ICA1: variants seen among roughly 807,000 people sequenced by gnomAD.
ICA1 encodes the protein islet cell autoantigen 1, also known as 69 kDa islet cell autoantigen.
A neutral mutation model predicts 71.0 loss-of-function variants in ICA1; 40 were observed. The ratio of observed to expected loss-of-function variants is 0.56; its 90% CI spans 0.44 to 0.73. The LOEUF (loss-of-function observed/expected upper bound fraction) is 0.73, where lower values mean the gene tolerates loss of function less well. ICA1 is among the 30% of genes least tolerant of loss of function. The pLI is 0.00. For synonymous variants in ICA1, 207 were observed against 209.5 expected (o/e 0.99, Z 0.10); for missense variants, 578 against 576.5 (o/e 1.00, Z -0.03).
intron 6 of ICA1, among the ~76,000 whole-genome samples, chr7:8,182,727 A>T (rs1346422736): frequency 6.6e-6 from 1 of 152,222 alleles, no homozygotes; most frequent in Non-Finnish European, 1.5e-5. Context: ...ATTTTTAAAA[A>T]CATTTTGTCT....
intron 6 of ICA1, among the ~76,000 whole-genome samples, chr7:8,171,387 G>C (rs1162845480): frequency 6.6e-6 from 1 of 151,780 alleles, no homozygotes; most frequent in African/African-American, 2.4e-5. Flanking sequence ...TCTTTAAAGG[G>C]ATTTGTCCAT....
At chr7:8,146,507 C>T (rs1235539001) in intron 8 of ICA1, among the ~76,000 whole-genome samples, 1 of 152,030 alleles carries the variant, frequency 6.6e-6, no homozygotes, top group Non-Finnish European at 1.5e-5. Flanking sequence ...AACATTTTGC[C>T]CCATTTTGTT....
chr7:8,245,569 A>T (rs1407948871), intron 1 of ICA1, among the ~76,000 whole-genome samples: 2 of 152,156 alleles, frequency 1.3e-5, no homozygotes, highest in Admixed American at 6.5e-5. Context: ...AATAATAATT[A>T]AAAAAGAATT....
intron 6 of ICA1, among the ~76,000 whole-genome samples, chr7:8,214,080 C>CA (rs1242362114): frequency 6.6e-6 from 1 of 152,196 alleles, no homozygotes; most frequent in East Asian, 1.9e-4. Context: ...TATGAGGACT[C>CA]AGACTCCTAT....
At chr7:8,238,987 C>G (rs73236329) in intron 1 of ICA1, among the ~76,000 whole-genome samples, 1,525 of 152,290 alleles carry the variant, frequency 0.01, 22 homozygotes, top group African/African-American at 0.035. Context: ...AGAACCACAG[C>G]TAAATGGCAC....
chr7:8,191,105 C>A (rs868012072), intron 6 of ICA1, among the ~76,000 whole-genome samples: 11 of 152,178 alleles, frequency 7.2e-5, no homozygotes, highest in Non-Finnish European at 1.3e-4. Flanking sequence ...ATCGTTCCTG[C>A]CCTCCACTTT....
intron 6 of ICA1, among the ~76,000 whole-genome samples, chr7:8,178,286 C>T (rs1781194773): frequency 6.6e-6 from 1 of 152,138 alleles, no homozygotes; most frequent in South Asian, 2.1e-4. Context: ...CTTAGATGCT[C>T]CACTTTCAGG....
chr7:8,156,115 C>A (rs147353553), intron 8 of ICA1, among the ~76,000 whole-genome samples: 18 of 152,168 alleles, frequency 1.2e-4, no homozygotes, highest in African/African-American at 3.9e-4. Context: ...AGGTGCAGCA[C>A]AAGGTGAGTG....
At chr7:8,169,901 AGTGT>A (rs58794085) in intron 6 of ICA1, among the ~76,000 whole-genome samples, 12 of 147,086 alleles carry the variant, frequency 8.2e-5, no homozygotes, top group African/African-American at 2.2e-4. Context: ...TTAATGCCTG[AGTGT>A]GTGTGTGTGT....
chr7:8,131,815 T>C (rs1465201432), intron 12 of ICA1, among the ~76,000 whole-genome samples: 1 of 152,206 alleles, frequency 6.6e-6, no homozygotes, highest in Non-Finnish European at 1.5e-5. Flanking sequence ...TATCATTTTC[T>C]TTGAAAAAAA....
At chr7:8,241,845 C>G (rs1804022175) in intron 1 of ICA1, among the ~76,000 whole-genome samples, 1 of 152,176 alleles carries the variant, frequency 6.6e-6, no homozygotes, top group African/African-American at 2.4e-5. Context: ...GTAAAGGGGT[C>G]AATTCGACAA....
chr7:8,146,881 C>T (rs1388837570), intron 8 of ICA1, among the ~76,000 whole-genome samples: 22 of 127,846 alleles, frequency 1.7e-4, no homozygotes, highest in Non-Finnish European at 2.8e-4. Flanking sequence ...CACACACACA[C>T]GCACACACAC....
chr7:8,224,414 T>C (rs1798011902), intron 4 of ICA1, among the ~76,000 whole-genome samples: 1 of 151,784 alleles, frequency 6.6e-6, no homozygotes. Context: ...TATGTGTTAT[T>C]GGAGGCTTTT....
rs774914827 is a variant in ICA1 at position 8,218,444 on chromosome 7, C to T, written c.440G>A (p.Arg147Gln). The change falls in exon 6 of 14, where the codon CGG (arginine) becomes CAG (glutamine). Residue 147 changes from arginine (R) to glutamine (Q), a missense_variant. Transcript: ENST00000402384. ...CGTCAGCCAAGTATCTGAGATGGCC[C>T]GATGCCGAAAAGTCTCCACTTCTTG... Reference protein sequence around the residue: ...FHQEVETFRHRAISDTWLTVN... With the variant: ...FHQEVETFRHQAISDTWLTVN... The T allele has an allele frequency of 7.4e-6, 12 of 1,613,896 alleles. No individual in the cohort carries two copies. The highest frequency in any genetic ancestry group is 1.6e-4 in the Middle Eastern group (1 of 6,082).
chr7:8,219,921 A>G (rs1429697643), intron 5 of ICA1, among the ~76,000 whole-genome samples: 1 of 152,212 alleles, frequency 6.6e-6, no homozygotes, highest in African/African-American at 2.4e-5. Context: ...ACACATGACA[A>G]CTTACTCTAT....
At chr7:8,229,532 A>G (rs535212655) in intron 3 of ICA1, among the ~76,000 whole-genome samples, 1 of 152,350 alleles carries the variant, frequency 6.6e-6, no homozygotes, top group Admixed American at 6.5e-5. Context: ...AGAGCCACTC[A>G]GTAAGGCAGG....
chr7:8,198,736 G>A (rs1482828490), intron 6 of ICA1, among the ~76,000 whole-genome samples: 3 of 152,192 alleles, frequency 2.0e-5, no homozygotes, highest in Admixed American at 1.3e-4. Flanking sequence ...GCATCAAGAT[G>A]TTCTTTAGGT....
intron 2 of ICA1, among the ~76,000 whole-genome samples, 172 bp from the exon 3 acceptor site, chr7:8,232,927 C>A (rs935568399): frequency 2.0e-5 from 3 of 152,238 alleles, no homozygotes; most frequent in African/African-American, 4.8e-5. Flanking sequence ...TTCATCAACT[C>A]TTTCTGACTC....
intron 6 of ICA1, among the ~76,000 whole-genome samples, chr7:8,182,912 T>A (rs1158146881): frequency 1.5e-4 from 23 of 152,320 alleles, no homozygotes; most frequent in South Asian, 2.1e-4. Context: ...TCCCTGAAGT[T>A]GCTGCCTCCA....
Sources: gnomAD v4.1 joint callset for allele counts (sites outside exome capture counted in the v4.1 genomes callset) on GRCh38, gnomAD v4.1.1 for gene constraint, MANE v1.5 for transcripts, NCBI Gene and HGNC (gene_info 2026-07-23, HGNC 2026-07-21) for gene names.